Variants in ZNF527 observed in about 807,000 individuals in gnomAD.
ZNF527 encodes the protein zinc finger protein 527.
A neutral mutation model predicts 13.5 loss-of-function variants in ZNF527; 5 were observed. The observed-to-expected ratio is 0.37, with a 90% CI of 0.19 to 0.78. The LOEUF is 0.78. Among genes scored for constraint, ZNF527 ranks in the 30% least tolerant of loss-of-function variants. The pLI is 0.48. For synonymous variants in ZNF527, 209 were observed against 243.1 expected, an observed-to-expected ratio of 0.86 and a Z score of 1.30; for missense variants, 628 against 726.4, an observed-to-expected ratio of 0.86 and a Z score of 1.56.
At chr19:37,375,722 C>T (rs978964496) in intron 2 of ZNF527, among the ~76,000 whole-genome samples, 5 of 151,772 alleles carry the variant, frequency 3.3e-5, no homozygotes, top group African/African-American at 9.7e-5. Context: ...TTGTGGTGAA[C>T]GTAGATAGGA....
intron 1 of ZNF527, among the ~76,000 whole-genome samples, chr19:37,373,354 C>A (rs2040574066): frequency 6.6e-6 from 1 of 152,112 alleles, no homozygotes; most frequent in African/African-American, 2.4e-5. Context: ...TTGTGAGGCA[C>A]AGGAAGATTA....
At chr19:37,382,288 GATA>G (rs1236985151) in intron 4 of ZNF527, among the ~76,000 whole-genome samples, 22 of 14,910 alleles carry the variant, frequency 1.5e-3, no homozygotes, top group African/African-American at 4.6e-3. Context: ...TAGATAGGTA[GATA>G]GATAGATAGA....
In ZNF527 at chr19:37,388,341, C is replaced by A. The variant is rs984777107; in HGVS notation, c.292C>A (p.Pro98Thr). 1 of 1,613,866 alleles carries A rather than the reference C, an allele frequency of 6.2e-7. No homozygotes were observed. Residue 98 changes from proline to threonine, a missense_variant, in exon 5 of 5, where the codon CCA becomes ACA. Transcript: ENST00000436120. ...ESWCEIEELSPKWFIDEDEIS... is the reference protein window; with the variant it reads ...ESWCEIEELSTKWFIDEDEIS... ...TTGGTGTGAAATTGAGGAATTATCT[C>A]CAAAATGGTTCATTGATGAAGATGA...
intron 2 of ZNF527, among the ~76,000 whole-genome samples, chr19:37,377,798 A>G (rs527645146): frequency 6.6e-6 from 1 of 152,156 alleles, no homozygotes; most frequent in South Asian, 2.1e-4. Context: ...AGCCAGGGGA[A>G]TAAGTATTCT....
Position 37,372,473 on chromosome 19 carries a change from T to C in ZNF527, c.-42+1247T>C, listed in dbSNP as rs112371871. ...TTTTCTTTTCTTTTCTTTTCTTTTT[T>C]TTTTTTTTTTTTTTTTTGAGACAGA... On this transcript the variant is annotated intron_variant, in intron 1 of 4. Transcript: ENST00000436120. 2.0e-4 allele frequency among the ~76,000 whole-genome samples: 27 copies of C among 134,094 alleles called. 1 individual carries two copies. In the South Asian group the frequency reaches 2.6e-3, roughly 13 times the overall value. 88.0% of individuals were successfully genotyped at this position (134,094 alleles called of 152,430 possible).
intron 4 of ZNF527, among the ~76,000 whole-genome samples, chr19:37,387,565 AG>A (rs2040710505): frequency 6.6e-6 from 1 of 152,152 alleles, no homozygotes; most frequent in Admixed American, 6.5e-5. Flanking sequence ...GTGGTGTGAA[AG>A]GACTTTCTCA....
chr19:37,373,277 A>G (rs2040573622), intron 1 of ZNF527, among the ~76,000 whole-genome samples: 1 of 152,294 alleles, frequency 6.6e-6, no homozygotes, highest in East Asian at 1.9e-4. Flanking sequence ...AAATGTGTAT[A>G]TGTTTGTGAT....
In ZNF527 at chr19:37,392,707, C is replaced by G. The variant is rs1002281722; in HGVS notation, c.*2828C>G. On this transcript the variant is annotated 3_prime_UTR_variant, in exon 5 of 5. Transcript: ENST00000436120. Reference sequence around the variant, plus strand: ...GCACAGCTACTAATTGATTTTTGATCTATGTATGGCACCTGATTTCATCCT... The same window carrying G: ...GCACAGCTACTAATTGATTTTTGATGTATGTATGGCACCTGATTTCATCCT... The G allele has an allele frequency of 4.6e-5, 7 of 152,128 alleles. No individual in the cohort carries two copies. Among genetic ancestry groups the G allele is most frequent in the Non-Finnish European group, 1.0e-4 (7 of 68,026 alleles). The allele number at this position is 152,128 out of a possible 1,614,324, so 9.4% of individuals were successfully genotyped here. A position where few individuals can be genotyped will look rare whatever the true frequency, so the allele number is the denominator to read the frequency against.
At chr19:37,376,833 A>G (rs919794364) in intron 2 of ZNF527, among the ~76,000 whole-genome samples, 1 of 152,218 alleles carries the variant, frequency 6.6e-6, no homozygotes, top group Admixed American at 6.5e-5. Context: ...TGCAAAGTAT[A>G]TACCAGATTT....
Position 37,388,646 on chromosome 19 carries a change from C to G in ZNF527, c.597C>G (p.Leu199=). ...ATAAATTTGATATTTATGATAAACT[C>G]TTCCCCCAAAATTCAGTCATAATTG... ...QVHKFDIYDK[L]FPQNSVIIEY... The change falls in exon 5 of 5, where the codon CTC becomes CTG. Residue 199 remains leucine, a synonymous_variant. Transcript: ENST00000436120. 1.2e-6 allele frequency: 2 copies of G among 1,613,444 alleles called. No individual in the cohort carries two copies. Among genetic ancestry groups the G allele is most frequent in the Middle Eastern group, 1.6e-4 (1 of 6,062 alleles).
At chr19:37,376,143 A>G (rs1212485782) in intron 2 of ZNF527, among the ~76,000 whole-genome samples, 1 of 152,052 alleles carries the variant, frequency 6.6e-6, no homozygotes, top group Non-Finnish European at 1.5e-5. Flanking sequence ...CCAGTTATGT[A>G]TGCAGGGCAA....
intron 1 of ZNF527, among the ~76,000 whole-genome samples, chr19:37,372,467 C>CTTTTTTTTTTTTT (rs1022024971): frequency 1.2e-4 from 8 of 65,654 alleles, no homozygotes; most frequent in Non-Finnish European, 1.8e-4. Flanking sequence ...CTTTTCTTTT[C>CTTTTTTTTTTTTT]TTTTTTTTTT....
chr19:37,380,065 T>C (rs554720526), intron 3 of ZNF527: 6 of 883,238 alleles, frequency 6.8e-6, no homozygotes, highest in South Asian at 4.5e-5. Flanking sequence ...CTGCAGCTGC[T>C]GTAGCACTTT....
intron 4 of ZNF527, chr19:37,385,578 G>A (rs1450267363): frequency 2.7e-6 from 1 of 374,468 alleles, no homozygotes; most frequent in African/African-American, 2.1e-5. Context: ...GATTACTTTT[G>A]TCCAAGTTTA....
At position 37,379,135 on chromosome 19, in the gene ZNF527, AG is replaced by A; in HGVS notation, c.50del (p.Arg17LysfsTer5). 1.9e-6 allele frequency: 3 copies of A among 1,614,110 alleles called. No individual in the cohort carries two copies. Among genetic ancestry groups the A allele is most frequent in the Non-Finnish European group, 2.5e-6 (3 of 1,180,000 alleles). On this transcript the variant is annotated frameshift_variant, in exon 3 of 5. Coordinates refer to ENST00000436120, the MANE Select transcript of ZNF527 (RefSeq NM_032453.2). LOFTEE classifies it high-confidence loss of function. ...TTTATTTCAGGGGTTGGTGACCTTC[AG>A]AGATGTGGCGCTAGACTTTTCCCAA... ...KAMSQGLVTF[R>X]DVALDFSQEE... is the part of the protein sequence containing the mutation.
chr19:37,378,257 A>T (rs1439624755), intron 2 of ZNF527, among the ~76,000 whole-genome samples: 1 of 152,036 alleles, frequency 6.6e-6, no homozygotes, highest in Admixed American at 6.6e-5. Flanking sequence ...CGAACTCCTG[A>T]CTTCAGGTGA....
intron 4 of ZNF527, among the ~76,000 whole-genome samples, chr19:37,383,633 G>A (rs1020375687): frequency 1.3e-5 from 2 of 151,650 alleles, no homozygotes; most frequent in Non-Finnish European, 2.9e-5. Context: ...CCACCTCCTG[G>A]GTTCAAGCGA....
intron 4 of ZNF527, chr19:37,385,475 T>G: frequency 5.0e-6 from 2 of 397,600 alleles, no homozygotes; most frequent in Non-Finnish European, 8.9e-6. Context: ...CACAGAGATT[T>G]TGGTGGAAGA....
chr19:37,385,294 C>A, intron 4 of ZNF527: 1 of 431,824 alleles, frequency 2.3e-6, no homozygotes. Flanking sequence ...AAATTCATTC[C>A]TTTCAACCAG....
Sources: gnomAD v4.1 joint callset for allele counts (sites outside exome capture counted in the v4.1 genomes callset) on GRCh38, gnomAD v4.1.1 for gene constraint, MANE v1.5 for transcripts, NCBI Gene and HGNC (gene_info 2026-07-23, HGNC 2026-07-21) for gene names.